The following CHD6 variants were observed in gnomAD, a reference collection of about 807,000 sequenced individuals.
CHD6 encodes chromodomain helicase DNA binding protein 6.
Under a neutral mutation model 276.9 loss-of-function variants are expected in CHD6, and 50 were observed. The ratio of observed to expected loss-of-function variants is 0.18; its 90% CI spans 0.14 to 0.23. The LOEUF (loss-of-function observed/expected upper bound fraction) is 0.23, where lower values mean the gene tolerates loss of function less well. Ranked by LOEUF, CHD6 falls within the 10% of genes least tolerant of loss-of-function variation. The probability of loss-of-function intolerance (pLI) is 1.00; values close to 1 mark genes in which losing one functional copy is unlikely to be tolerated. For synonymous variants in CHD6, 1,173 were observed against 1,229.3 expected (o/e 0.95, Z 0.96); for missense variants, 2,564 against 3,365.8 (o/e 0.76, Z 5.89).
intron 7 of CHD6, 60 bp downstream of exon 7, chr20:41,498,108 G>A (rs775709868): frequency 6.1e-6 from 7 of 1,154,212 alleles, no homozygotes; most frequent in Admixed American, 1.9e-5. Context: ...AAAGTCACAA[G>A]AGAAAAAAAG....
intron 5 of CHD6, among the ~76,000 whole-genome samples, chr20:41,509,540 G>C (rs139256267): frequency 1.3e-5 from 2 of 152,214 alleles, no homozygotes; most frequent in African/African-American, 4.8e-5. Flanking sequence ...AGCCTGCCAG[G>C]TATAGAAAAA....
chr20:41,543,892 G>T (rs1296551037), intron 2 of CHD6, among the ~76,000 whole-genome samples: 1 of 152,124 alleles, frequency 6.6e-6, no homozygotes, highest in Non-Finnish European at 1.5e-5. Context: ...TGCACTTTTG[G>T]TTTTTTCATA....
At chr20:41,532,867 AG>A (rs1354560161) in intron 3 of CHD6, among the ~76,000 whole-genome samples, 182 bp downstream of exon 3, 1 of 152,242 alleles carries the variant, frequency 6.6e-6, no homozygotes, top group Non-Finnish European at 1.5e-5. Flanking sequence ...GCAACCTCCA[AG>A]GACAGCCCCT....
chr20:41,490,583 C>T lies in CHD6; in HGVS notation c.1437-562G>A, dbSNP rs374332986. Among the ~76,000 whole-genome samples the T allele has an allele frequency of 1.7e-3, 261 of 152,210 alleles. 2 individuals are homozygous for T. The highest frequency in any genetic ancestry group is 5.8e-3 in the African/African-American group (242 of 41,510). On this transcript the variant is annotated intron_variant, in intron 11 of 36. Transcript: ENST00000373233. ...ATCCCAACATTTTGGGAGGCCAACG[C>T]GGGCAGATCACCTGAGGTCAGGAGT...
At position 41,554,941 on chromosome 20, in the gene CHD6, T is replaced by C. The variant is rs1275697431; in HGVS notation, c.-23-3581A>G. ...GTGGCCAGGCAGAGGGGCTCCTCAC[T>C]TCCCAGTAGGGGCAGCCGGGCAGAG... is the stretch of plus-strand genomic sequence containing the variant. On this transcript the variant is annotated intron_variant, in intron 1 of 36. Transcript: ENST00000373233. Among the ~76,000 whole-genome samples, 7 of 150,078 alleles carry C rather than the reference T, an allele frequency of 4.7e-5. No homozygotes were observed. In the East Asian group the frequency reaches 8.1e-4, roughly 17 times the overall value.
chr20:41,498,040 C>T (rs1012346065), intron 7 of CHD6, 128 bp downstream of exon 7: 187 of 666,652 alleles, frequency 2.8e-4, no homozygotes, highest in Admixed American at 4.3e-4. Context: ...AAACTTGAGT[C>T]AGCCAAGACC....
intron 27 of CHD6, among the ~76,000 whole-genome samples, chr20:41,429,512 T>C (rs2047467929): frequency 6.6e-6 from 1 of 152,208 alleles, no homozygotes; most frequent in Non-Finnish European, 1.5e-5. Context: ...TAGTGTGCTC[T>C]GGAAGGCGCT....
rs2043453361 is a variant in CHD6 at position 41,487,823 on chromosome 20, C to T, written c.1858-15G>A. ...ACTTTATGTTCCTGCGCAAATTAAA[C>T]ATACATGATGGACAGTGCTTGAGCC... is the stretch of plus-strand genomic sequence containing the variant. On this transcript the variant is annotated splice_polypyrimidine_tract_variant and intron_variant, in intron 13 of 36. Transcript: ENST00000373233. 1 of 1,607,188 alleles carries T rather than the reference C, an allele frequency of 6.2e-7. No homozygotes were observed. The highest frequency in any genetic ancestry group is 8.5e-7 in the Non-Finnish European group (1 of 1,178,342).
chr20:41,422,155 TTTGGTC>T lies in CHD6; in HGVS notation c.4556-82_4556-77del, dbSNP rs1465994266. ...CCCCGCCCACCTGAGCCCCTGCATC[TTTGGTC>T]TTGGAGTTTAGCTCCCTGGCTCCTC... On this transcript the variant is annotated intron_variant, in intron 30 of 36. Transcript: ENST00000373233. 1.1e-5 allele frequency: 16 copies of T among 1,476,914 alleles called. No homozygotes were observed. In the African/African-American group the frequency reaches 2.0e-4, roughly 18 times the overall value. 91.5% of individuals were successfully genotyped at this position (1,476,914 alleles called of 1,614,324 possible).
chr20:41,561,758 G>C (rs1004320292), intron 1 of CHD6, among the ~76,000 whole-genome samples: 1 of 152,106 alleles, frequency 6.6e-6, no homozygotes, highest in African/African-American at 2.4e-5. Flanking sequence ...TTTCTCCTTG[G>C]AATTTTGAGA....
In CHD6 at chr20:41,412,185, C is replaced by G. The variant is rs61292917; in HGVS notation, c.7210G>C (p.Glu2404Gln). Reference sequence around the variant, plus strand: ...TTGGGGATGGCAGGAACTCTCTCTTCCCCGCTCAGGGAGCTGACATCTAAT... The same window carrying G: ...TTGGGGATGGCAGGAACTCTCTCTTGCCCGCTCAGGGAGCTGACATCTAAT... Reference protein sequence around the residue: ...GKLDVSSLSGEERVPAIPKEP... With the variant: ...GKLDVSSLSGQERVPAIPKEP... The change falls in exon 36 of 37, where the codon GAA becomes CAA. Residue 2404 changes from glutamate (E) to glutamine (Q), a missense_variant. Physicochemically the swap from Glu to Gln is conservative, Grantham distance 29. Around this residue, in one of 7 missense-constraint regions of CHD6, gnomAD observed 1,024 missense variants for 1,047.9 expected, o/e 0.98. Coordinates refer to ENST00000373233, the MANE Select transcript of CHD6 (RefSeq NM_032221.5). The G allele has an allele frequency of 2.1e-3, 3,424 of 1,614,206 alleles. 50 individuals are homozygous for G. The African/African-American group carries it at 0.037, about 18-fold the overall frequency.
At chr20:41,615,770 A>T (rs774780089) in intron 1 of CHD6, among the ~76,000 whole-genome samples, 2 of 152,240 alleles carry the variant, frequency 1.3e-5, no homozygotes, top group African/African-American at 4.8e-5. Flanking sequence ...AAGTCTTTCC[A>T]TGAAAAACAT....
intron 2 of CHD6, among the ~76,000 whole-genome samples, chr20:41,533,890 T>C (rs2044756173): frequency 6.6e-6 from 1 of 152,212 alleles, no homozygotes; most frequent in Non-Finnish European, 1.5e-5. Flanking sequence ...AAATAACCTT[T>C]AGCCACTTGC....
Position 41,458,051 on chromosome 20 carries a change from CACTGA to C in CHD6, c.2665-628_2665-624del, listed in dbSNP as rs535902730. ...AAAAACAACTGCATTTCTGCTGTGT[CACTGA>C]ACAGGTACCTTTATTTCCTGTATTT... On this transcript the variant is annotated intron_variant, in intron 17 of 36. Transcript: ENST00000373233. Among the ~76,000 whole-genome samples, 3 of 152,162 alleles carry C rather than the reference CACTGA, an allele frequency of 2.0e-5. No homozygotes were observed. In the South Asian group the frequency reaches 6.2e-4, roughly 32 times the overall value.
In CHD6 at chr20:41,473,513, T is replaced by C; in HGVS notation, c.2473A>G (p.Thr825Ala). ...LEDYLIQRRY[T>A]YERIDGRVRG... Reference sequence around the variant, plus strand: ...ACTCGCCCATCAATTCGCTCATAGGTGTATCTGAGGGGACCCAAATGAACG... The same window carrying C: ...ACTCGCCCATCAATTCGCTCATAGGCGTATCTGAGGGGACCCAAATGAACG... Residue 825 changes from threonine to alanine, a missense_variant, in exon 17 of 37, where the codon ACC becomes GCC. Around this residue, in one of 7 missense-constraint regions of CHD6, gnomAD observed 457 missense variants for 889.0 expected, o/e 0.51. Transcript: ENST00000373233. The surrounding 1 kb of genome is among the most constrained non-coding windows in gnomAD (Gnocchi z 4.1). The C allele has an allele frequency of 6.2e-7, 1 of 1,613,676 alleles. No individual in the cohort carries two copies. The highest frequency in any genetic ancestry group is 8.5e-7 in the Non-Finnish European group (1 of 1,179,710).
intron 36 of CHD6, among the ~76,000 whole-genome samples, chr20:41,406,368 G>C (rs2046674476): frequency 6.6e-6 from 1 of 152,206 alleles, no homozygotes; most frequent in South Asian, 2.1e-4. Flanking sequence ...ACAGGACCTG[G>C]GCCCTCAACA....
rs569506540 is a variant in CHD6, at chr20:41,550,738, G to A, written c.33+567C>T. Among the ~76,000 whole-genome samples the A allele has an allele frequency of 3.1e-4, 47 of 152,268 alleles. No homozygotes were observed. In the South Asian group the frequency reaches 9.6e-3, roughly 31 times the overall value. ...CTGAGTGAGGTCTCAGAGTTCCTTTGAATATGTTATACTCATGGCATAGCA... is the reference window on the plus strand; with the variant it reads ...CTGAGTGAGGTCTCAGAGTTCCTTTAAATATGTTATACTCATGGCATAGCA... On this transcript the variant is annotated intron_variant, in intron 2 of 36. Transcript: ENST00000373233.
Position 41,551,315 on chromosome 20 carries a change from T to C in CHD6, c.23A>G (p.Lys8Arg). 1 of 1,482,120 alleles carries C rather than the reference T, an allele frequency of 6.7e-7. No homozygotes were observed. The highest frequency in any genetic ancestry group is 1.1e-5 in the South Asian group (1 of 87,068). The allele number at this position is 1,482,120 out of a possible 1,614,324, so 91.8% of individuals were successfully genotyped here. A position where few individuals can be genotyped will look rare whatever the true frequency, so the allele number is the denominator to read the frequency against. Residue 8 changes from lysine to arginine, a missense_variant, in exon 2 of 37, where the codon AAA becomes AGA. Around this residue, in one of 7 missense-constraint regions of CHD6, gnomAD observed 286 missense variants for 297.8 expected, o/e 0.96. Transcript: ENST00000373233. MKMKIQK[K>R]EKQLSNLKVL... ...AAAGTGATCACTTACCTGCTTCTCTTTTTTCTGTATTTTCATTTTCATCTA... is the reference window on the plus strand; with the variant it reads ...AAAGTGATCACTTACCTGCTTCTCTCTTTTCTGTATTTTCATTTTCATCTA...
At chr20:41,462,446 C>T (rs961292970) in intron 17 of CHD6, among the ~76,000 whole-genome samples, 7 of 152,194 alleles carry the variant, frequency 4.6e-5, no homozygotes, top group Admixed American at 2.0e-4. Context: ...GTTTTAAATA[C>T]ACACTTGAAA....
Sources: gnomAD v4.1 joint callset for allele counts (sites outside exome capture counted in the v4.1 genomes callset) on GRCh38, gnomAD v4.1.1 for gene constraint, gnomAD v4.1.1 regional missense constraint, Gnocchi (gnomAD v3.1) non-coding constraint, MANE v1.5 for transcripts, NCBI Gene and HGNC (gene_info 2026-07-23, HGNC 2026-07-21) for gene names.